PTPN2: variants seen among roughly 807,000 people sequenced by gnomAD.
PTPN2 encodes protein tyrosine phosphatase non-receptor type 2, also known as tyrosine-protein phosphatase non-receptor type 2.
Under a neutral mutation model 57.3 loss-of-function variants are expected in PTPN2, and 19 were observed. The ratio of observed to expected loss-of-function variants is 0.33; its 90% confidence interval spans 0.23 to 0.49. The LOEUF (loss-of-function observed/expected upper bound fraction) is 0.49, where lower values mean the gene tolerates loss of function less well. Among genes scored for constraint, PTPN2 ranks in the 20% least tolerant of loss-of-function variants. PTPN2 has a pLI of 0.99. For synonymous variants in PTPN2, 153 were observed against 164.9 expected, an observed-to-expected ratio of 0.93 and a Z score of 0.55; for missense variants, 358 against 501.1, an observed-to-expected ratio of 0.71 and a Z score of 2.73.
chr18:12,870,316 T>TACATAC lies in PTPN2; in HGVS notation c.70-11063_70-11062insGTATGT. On this transcript the variant is annotated intron_variant, in intron 1 of 8. Coordinates refer to ENST00000309660, the MANE Select transcript of PTPN2 (RefSeq NM_002828.4). ...ATATATATGTGTATATATACATATA[T>TACATAC]ATGTGTATATATATGTATATATATA... is the stretch of plus-strand genomic sequence containing the variant. Among the ~76,000 whole-genome samples, 2 of 69,272 alleles carry TACATAC rather than the reference T, an allele frequency of 2.9e-5. 1 individual carries two copies. Among genetic ancestry groups the TACATAC allele is most frequent in the Non-Finnish European group, 5.2e-5 (2 of 38,142 alleles). 45.4% of individuals were successfully genotyped at this position (69,272 alleles called of 152,430 possible).
At chr18:12,804,799 C>T (rs2041580866) in intron 7 of PTPN2, among the ~76,000 whole-genome samples, 1 of 152,092 alleles carries the variant, frequency 6.6e-6, no homozygotes, top group African/African-American at 2.4e-5. Flanking sequence ...TTCTAACAAA[C>T]ATTTAAATAA....
Position 12,802,139 on chromosome 18 carries a change from C to T in PTPN2, c.871G>A (p.Glu291Lys). ...GGAGATAAGTCTTCCTTAGAAAGTT[C>T]TTTCCATCGTTTCTAGGTAGGGAAG... ...GDSSIQKRWK[E>K]LSKEDLSPAF... The change falls in exon 8 of 9, where the codon GAA becomes AAA. Residue 291 changes from glutamate to lysine, a missense_variant. Coordinates refer to ENST00000309660, the MANE Select transcript of PTPN2 (RefSeq NM_002828.4). 1.2e-6 allele frequency: 2 copies of T among 1,603,964 alleles called. No individual in the cohort carries two copies. Among genetic ancestry groups the T allele is most frequent in the Non-Finnish European group, 1.7e-6 (2 of 1,175,936 alleles).
At chr18:12,860,377 T>A (rs2043758463) in intron 1 of PTPN2, among the ~76,000 whole-genome samples, 1 of 151,614 alleles carries the variant, frequency 6.6e-6, no homozygotes, top group Non-Finnish European at 1.5e-5. Context: ...GGTGGGTGGA[T>A]CACGAGGTCA....
chr18:12,846,856 G>C (rs1409773688), intron 2 of PTPN2, among the ~76,000 whole-genome samples: 2 of 152,190 alleles, frequency 1.3e-5, no homozygotes, highest in African/African-American at 4.8e-5. Flanking sequence ...ATACAGCAAT[G>C]CTAACCCAAT....
At chr18:12,881,221 G>A (rs35533206) in intron 1 of PTPN2, among the ~76,000 whole-genome samples, 8,772 of 152,200 alleles carry the variant, frequency 0.058, 361 homozygotes, top group Non-Finnish European at 0.082. Context: ...GATCACCTGA[G>A]GTCAGGAGTT....
chr18:12,880,329 T>A (rs1173544530), intron 1 of PTPN2, among the ~76,000 whole-genome samples: 1 of 152,180 alleles, frequency 6.6e-6, no homozygotes, highest in East Asian at 1.9e-4. Flanking sequence ...TGAGGTCTTG[T>A]GAGCCGGAGG....
chr18:12,803,471 A>G (rs546817897), intron 7 of PTPN2, among the ~76,000 whole-genome samples: 2 of 152,326 alleles, frequency 1.3e-5, no homozygotes, highest in South Asian at 4.1e-4. Context: ...AACAAAAAAC[A>G]AAATCCAACT....
chr18:12,864,562 A>AT (rs1317623806), intron 1 of PTPN2, among the ~76,000 whole-genome samples: 2 of 150,598 alleles, frequency 1.3e-5, no homozygotes, highest in African/African-American at 2.4e-5. Flanking sequence ...CGCCCGGCTA[A>AT]TTTTTTTTTG....
At chr18:12,801,404 A>G (rs938514076) in intron 8 of PTPN2, among the ~76,000 whole-genome samples, 2 of 151,778 alleles carry the variant, frequency 1.3e-5, no homozygotes, top group African/African-American at 4.8e-5. Flanking sequence ...TCCCAGCTAC[A>G]TGGGAGGGCT....
intron 3 of PTPN2, among the ~76,000 whole-genome samples, chr18:12,832,978 G>A (rs955827003): frequency 2.0e-5 from 3 of 151,932 alleles, no homozygotes; most frequent in Non-Finnish European, 2.9e-5. Flanking sequence ...TAGTAGAGAC[G>A]GGGTTTTACC....
At chr18:12,870,802 C>A (rs2044245365) in intron 1 of PTPN2, among the ~76,000 whole-genome samples, 1 of 151,870 alleles carries the variant, frequency 6.6e-6, no homozygotes, top group African/African-American at 2.4e-5. Context: ...AGCCACCGCG[C>A]CCGGCAGCAC....
Position 12,797,424 on chromosome 18 carries a change from T to C in PTPN2, c.1041-2939A>G, listed in dbSNP as rs182951348. 6.3e-4 allele frequency among the ~76,000 whole-genome samples: 96 copies of C among 152,138 alleles called. 1 individual carries two copies. The highest frequency in any genetic ancestry group is 2.2e-3 in the African/African-American group (93 of 41,490). On this transcript the variant is annotated intron_variant, in intron 8 of 8. Transcript: ENST00000309660. ...AAATGCTACATAGGAGTTTAAAAGG[T>C]TTTGTACTATATTTGGGGGAACTGG...
In PTPN2 at chr18:12,874,213, GC is replaced by G. The variant is rs1177559349; in HGVS notation, c.69+9859del. Among the ~76,000 whole-genome samples the G allele has an allele frequency of 4.6e-3, 685 of 148,088 alleles. 7 individuals are homozygous for G. Among genetic ancestry groups the G allele is most frequent in the African/African-American group, 0.015 (578 of 39,612 alleles). ...ATCTGGGAGGGAGGTTGGGGGGTCA[GC>G]CCCCCGCCCGGCCAGCCGCCCCGTC... On this transcript the variant is annotated intron_variant, in intron 1 of 8. Transcript: ENST00000309660.
chr18:12,869,653 T>C (rs1331928653), intron 1 of PTPN2, among the ~76,000 whole-genome samples: 1 of 152,218 alleles, frequency 6.6e-6, no homozygotes, highest in African/African-American at 2.4e-5. Context: ...TGCTACGATG[T>C]AGTAGCAAAT....
At chr18:12,832,130 T>G (rs1428320906) in intron 3 of PTPN2, among the ~76,000 whole-genome samples, 1 of 152,168 alleles carries the variant, frequency 6.6e-6, no homozygotes, top group Non-Finnish European at 1.5e-5. Context: ...AAAGCATTTT[T>G]TATTTTTTGA....
chr18:12,822,098 A>G (rs1488820956), intron 5 of PTPN2, among the ~76,000 whole-genome samples: 2 of 152,200 alleles, frequency 1.3e-5, no homozygotes, highest in South Asian at 2.1e-4. Context: ...TTAGGGATCA[A>G]TGTGTCATAG....
intron 2 of PTPN2, among the ~76,000 whole-genome samples, chr18:12,856,966 A>G (rs866508632): frequency 6.7e-6 from 1 of 150,292 alleles, no homozygotes; most frequent in African/African-American, 2.4e-5. Flanking sequence ...AGGCTGAGGC[A>G]GGAGAATCGC....
chr18:12,879,272 G>A (rs945594366), intron 1 of PTPN2, among the ~76,000 whole-genome samples: 1 of 152,138 alleles, frequency 6.6e-6, no homozygotes, highest in African/African-American at 2.4e-5. Flanking sequence ...CCAAAGCGCT[G>A]GGATTACAGG....
chr18:12,860,343 A>G (rs1378017701), intron 1 of PTPN2, among the ~76,000 whole-genome samples: 1 of 152,026 alleles, frequency 6.6e-6, no homozygotes, highest in Non-Finnish European at 1.5e-5. Context: ...TCATGCCTGT[A>G]ATCCCAGCAC....
Sources: gnomAD v4.1 joint callset for allele counts (sites outside exome capture counted in the v4.1 genomes callset) on GRCh38, gnomAD v4.1.1 for gene constraint, MANE v1.5 for transcripts, NCBI Gene and HGNC (gene_info 2026-07-23, HGNC 2026-07-21) for gene names.